The following CIT variants were observed in gnomAD, a reference collection of about 807,000 sequenced individuals.
CIT encodes the protein citron rho-interacting serine/threonine kinase.
Under a neutral mutation model 272.7 loss-of-function variants are expected in CIT, and 79 were observed. That is an observed-to-expected ratio of 0.29 (90% confidence interval 0.24 to 0.35). CIT has a LOEUF of 0.35. CIT is among the 10% of genes least tolerant of loss of function. The pLI, the probability that CIT is intolerant of heterozygous loss-of-function variation, is 1.00. For synonymous variants in CIT, 948 were observed against 995.6 expected, an observed-to-expected ratio of 0.95 and a Z score of 0.90; for missense variants, 1,909 against 2,618.3, an observed-to-expected ratio of 0.73 and a Z score of 5.91.
At chr12:119,769,100 G>A (rs1262433306) in intron 18 of CIT, among the ~76,000 whole-genome samples, 2 of 145,420 alleles carry the variant, frequency 1.4e-5, no homozygotes, top group Non-Finnish European at 1.5e-5. Flanking sequence ...TCCAGTTTCG[G>A]TCTTCATAAG....
intron 24 of CIT, among the ~76,000 whole-genome samples, chr12:119,735,635 G>A (rs117938998): frequency 8.1e-4 from 123 of 152,228 alleles, no homozygotes; most frequent in Non-Finnish European, 1.2e-3. Context: ...TGCATGAAAC[G>A]GATGACTTCG....
At chr12:119,739,337 T>C (rs1332711879) in intron 24 of CIT, among the ~76,000 whole-genome samples, 1 of 152,148 alleles carries the variant, frequency 6.6e-6, no homozygotes, top group Admixed American at 6.5e-5. Context: ...AGCTTGAAAA[T>C]CTTACTGTGC....
At chr12:119,812,371 A>G (rs970431101) in intron 9 of CIT, among the ~76,000 whole-genome samples, 2 of 152,028 alleles carry the variant, frequency 1.3e-5, no homozygotes, top group African/African-American at 4.8e-5. Context: ...ATAACACATC[A>G]GACTAGATTC....
chr12:119,753,299 C>T (rs1438785437), intron 22 of CIT, among the ~76,000 whole-genome samples: 1 of 152,116 alleles, frequency 6.6e-6, no homozygotes, highest in East Asian at 1.9e-4. Flanking sequence ...GGAGAAGGCT[C>T]CTCCCTAGAA....
chr12:119,756,805 A>G (rs1432938562), intron 22 of CIT, among the ~76,000 whole-genome samples: 1 of 152,070 alleles, frequency 6.6e-6, no homozygotes, highest in Non-Finnish European at 1.5e-5. Flanking sequence ...TTCCCTGCCC[A>G]CAGAACCTGG....
rs907680268 is a variant in CIT, at chr12:119,772,798, C to G, written c.2054G>C (p.Gly685Ala). Residue 685 changes from glycine to alanine, a missense_variant, in exon 17 of 48, where the codon GGC becomes GCC. This residue lies in a region of CIT where 530 missense variants were observed against 822.4 expected (regional missense o/e 0.64). Coordinates refer to ENST00000392521, the MANE Select transcript of CIT (RefSeq NM_001206999.2). ...AGCTTCCACCAGCTTCTTTCTGATG[C>G]CTTCAGAAGAATCCTCTCGGTTCTG... Reference protein sequence around the residue: ...KLQNREDSSEGIRKKLVEAEE... With the variant: ...KLQNREDSSEAIRKKLVEAEE... The G allele has an allele frequency of 6.2e-7, 1 of 1,613,446 alleles. No homozygotes were observed. Among genetic ancestry groups the G allele is most frequent in the Non-Finnish European group, 8.5e-7 (1 of 1,179,840 alleles).
chr12:119,821,460 T>A (rs1043589008), intron 9 of CIT, among the ~76,000 whole-genome samples: 2 of 152,182 alleles, frequency 1.3e-5, no homozygotes, highest in Non-Finnish European at 2.9e-5. Flanking sequence ...TTCAGTACTA[T>A]CATCAGTTTC....
intron 5 of CIT, among the ~76,000 whole-genome samples, chr12:119,836,005 T>C (rs1968972940): frequency 6.6e-6 from 1 of 151,966 alleles, no homozygotes; most frequent in African/African-American, 2.4e-5. Context: ...TTTTGATTTA[T>C]GGGCTGGGCA....
chr12:119,733,285 T>G (rs1038440348), intron 26 of CIT, among the ~76,000 whole-genome samples: 7 of 150,322 alleles, frequency 4.7e-5, no homozygotes, highest in Non-Finnish European at 1.0e-4. Context: ...ATCCCAGCAC[T>G]CTGGGAGACC....
chr12:119,734,415 T>C, intron 25 of CIT, 58 bp from the exon 26 acceptor site: 1 of 1,567,312 alleles, frequency 6.4e-7, no homozygotes, highest in Non-Finnish European at 8.7e-7. Flanking sequence ...TCCTGGAGAT[T>C]ACTTTGGTCG....
intron 9 of CIT, among the ~76,000 whole-genome samples, chr12:119,811,907 T>C (rs1453207420): frequency 1.3e-5 from 2 of 151,610 alleles, no homozygotes; most frequent in African/African-American, 4.8e-5. Flanking sequence ...AATTTGGATA[T>C]ACCCAATTTT....
Position 119,712,753 on chromosome 12 carries a change from G to A in CIT, c.4580-58C>T. 7.1e-7 allele frequency: 1 copy of A among 1,409,540 alleles called. No individual in the cohort carries two copies. Among genetic ancestry groups the A allele is most frequent in the Non-Finnish European group, 1.0e-6 (1 of 995,606 alleles). 87.3% of individuals were successfully genotyped at this position (1,409,540 alleles called of 1,614,324 possible). On this transcript the variant is annotated intron_variant, in intron 35 of 47. Coordinates refer to ENST00000392521, the MANE Select transcript of CIT (RefSeq NM_001206999.2). This position sits in a 1 kb window ranked among gnomAD's most constrained non-coding sequence, Gnocchi z 5.2. ...CAAAAGAACAGGAACAAGAACAAGG[G>A]GAGAAGAGAGAGCGAGAGAGACAGC...
At position 119,730,584 on chromosome 12, in the gene CIT, G is replaced by T; in HGVS notation, c.3397C>A (p.Leu1133Met). 1 of 1,614,126 alleles carries T rather than the reference G, an allele frequency of 6.2e-7. No homozygotes were observed. Among genetic ancestry groups the T allele is most frequent in the Non-Finnish European group, 8.5e-7 (1 of 1,180,008 alleles). ...TCAGCCTTGTGCTCCTTCACTGCCA[G>T]CTCCACCACCTGGCGAGACTCGGTG... ...RITESRQVVE[L>M]AVKEHKAEIL... is the part of the protein sequence containing the mutation. The change falls in exon 27 of 48, where the codon CTG (leucine) becomes ATG (methionine). Residue 1133 changes from leucine to methionine, a missense_variant. Physicochemically the swap from Leu to Met is conservative, Grantham distance 15. Coordinates refer to ENST00000392521, the MANE Select transcript of CIT (RefSeq NM_001206999.2).
chr12:119,723,541 G>A (rs1957918178), intron 28 of CIT, among the ~76,000 whole-genome samples: 1 of 152,070 alleles, frequency 6.6e-6, no homozygotes, highest in African/African-American at 2.4e-5. Context: ...TTAGCTGTGT[G>A]TTTAGACCTG....
chr12:119,708,370 G>A, intron 39 of CIT, 52 bp from the exon 40 acceptor site: 1 of 1,432,540 alleles, frequency 7.0e-7, no homozygotes, highest in Non-Finnish European at 9.2e-7. Context: ...TTAAGTAAAG[G>A]TACGGGATGG....
chr12:119,828,475 C>T (rs527784027), intron 7 of CIT, among the ~76,000 whole-genome samples: 69 of 152,216 alleles, frequency 4.5e-4, no homozygotes, highest in African/African-American at 1.6e-3. Flanking sequence ...GTCAGCTAAT[C>T]TCGGTGAGAT....
chr12:119,850,764 G>A (rs1350295424), intron 4 of CIT, among the ~76,000 whole-genome samples: 1 of 152,168 alleles, frequency 6.6e-6, no homozygotes, highest in Non-Finnish European at 1.5e-5. Flanking sequence ...AAGTCATGGT[G>A]GCCCAGGACA....
Position 119,710,707 on chromosome 12 carries a change from G to T in CIT, c.4855-87C>A. 7.9e-7 allele frequency: 1 copy of T among 1,258,014 alleles called. No individual in the cohort carries two copies. The highest frequency in any genetic ancestry group is 1.2e-5 in the South Asian group (1 of 82,968). The allele number at this position is 1,258,014 out of a possible 1,614,324, so 77.9% of individuals were successfully genotyped here. ...AAACCATCCAGAGAAACCAAGAGAA[G>T]GTTAAGGCCAAGTTATTCCTGGAAA... On this transcript the variant is annotated intron_variant, in intron 37 of 47. Coordinates refer to ENST00000392521, the MANE Select transcript of CIT (RefSeq NM_001206999.2). This position sits in a 1 kb window ranked among gnomAD's most constrained non-coding sequence, Gnocchi z 5.6.
Position 119,804,358 on chromosome 12 carries a change from A to T in CIT, c.1112-969T>A. 2 of 985,554 alleles carry T rather than the reference A, an allele frequency of 2.0e-6. No individual in the cohort carries two copies. The highest frequency in any genetic ancestry group is 2.4e-6 in the Non-Finnish European group (2 of 830,028). The allele number at this position is 985,554 out of a possible 1,614,324, so 61.1% of individuals were successfully genotyped here. Reference sequence around the variant, plus strand: ...CAAGCTGAGGCGTCCGTGGCGGGCCAGCCAGGCGAGTTAGAGCCGAGCATC... The same window carrying T: ...CAAGCTGAGGCGTCCGTGGCGGGCCTGCCAGGCGAGTTAGAGCCGAGCATC... On this transcript the variant is annotated intron_variant, in intron 9 of 47. Transcript: ENST00000392521. The surrounding 1 kb of genome is among the most constrained non-coding windows in gnomAD (Gnocchi z 5.3).
Sources: allele counts gnomAD v4.1 joint callset (sites outside exome capture counted in the v4.1 genomes callset), GRCh38; gene constraint gnomAD v4.1.1; regional missense constraint gnomAD v4.1.1; non-coding constraint Gnocchi (gnomAD v3.1); transcripts MANE v1.5; gene names NCBI Gene and HGNC (gene_info 2026-07-23, HGNC 2026-07-21).